The following KAZN variants were observed in gnomAD, a reference collection of about 807,000 sequenced individuals.
KAZN encodes kazrin.
KAZN carries 40 observed loss-of-function variants against 87.4 expected under a neutral mutation model. That is an observed-to-expected ratio of 0.46 (90% CI 0.36 to 0.60). KAZN has a LOEUF of 0.60. Among genes scored for constraint, KAZN ranks in the 20% least tolerant of loss-of-function variants. KAZN has a pLI of 0.00. For synonymous variants in KAZN, 466 were observed against 458.3 expected (o/e 1.02, Z -0.22); for missense variants, 898 against 1,073.9 (o/e 0.84, Z 2.29).
At chr1:13,899,017 C>T (rs1026393072) in intron 1 of KAZN, among the ~76,000 whole-genome samples, 1 of 152,260 alleles carries the variant, frequency 6.6e-6, no homozygotes, top group Non-Finnish European at 1.5e-5. Flanking sequence ...AGCAAGCACA[C>T]ACTTCCTGTC....
chr1:14,306,957 C>A (rs747230276), intron 2 of KAZN, among the ~76,000 whole-genome samples: 6 of 152,170 alleles, frequency 3.9e-5, no homozygotes, highest in African/African-American at 9.7e-5. Flanking sequence ...CCCAATCTTT[C>A]CATTTTATTT....
intron 1 of KAZN, among the ~76,000 whole-genome samples, chr1:13,973,617 C>T (rs542789808): frequency 6.6e-6 from 1 of 152,236 alleles, no homozygotes; most frequent in Non-Finnish European, 1.5e-5. Context: ...CCCAAGGGTA[C>T]TGCATCATCC....
At chr1:15,065,872 G>C in intron 8 of KAZN, 119 bp downstream of exon 8, 1 of 1,528,922 alleles carries the variant, frequency 6.5e-7, no homozygotes. Flanking sequence ...GCGTGGGTGC[G>C]CGTGTGGCCG....
chr1:14,410,113 A>T lies in KAZN; in HGVS notation c.250-188870A>T, dbSNP rs577870428. On this transcript the variant is annotated intron_variant, in intron 2 of 16. Coordinates refer to the KAZN transcript ENST00000636203. Reference sequence around the variant, plus strand: ...TTAATTGGAAAAGTCCAATTTATTTATTTATTTTGAGAGAGGGTCTTGCTC... The same window carrying T: ...TTAATTGGAAAAGTCCAATTTATTTTTTTATTTTGAGAGAGGGTCTTGCTC... Among the ~76,000 whole-genome samples, 8 of 152,286 alleles carry T rather than the reference A, an allele frequency of 5.3e-5. No homozygotes were observed. The East Asian group carries it at 1.5e-3, about 29-fold the overall frequency.
At chr1:13,995,307 A>G (rs1475288020) in intron 1 of KAZN, among the ~76,000 whole-genome samples, 1 of 152,060 alleles carries the variant, frequency 6.6e-6, no homozygotes, top group Non-Finnish European at 1.5e-5. Context: ...AAAATCTAAA[A>G]TAATCTATAC....
At chr1:14,387,750 A>G (rs6669069) in intron 2 of KAZN, among the ~76,000 whole-genome samples, 96,565 of 150,784 alleles carry the variant, frequency 0.64, 31,446 homozygotes, top group East Asian at 0.82. Context: ...GTCTGCAGAG[A>G]TTACTGCTGT....
intron 5 of KAZN, among the ~76,000 whole-genome samples, chr1:15,058,599 T>C (rs1638506005): frequency 6.6e-6 from 1 of 152,218 alleles, no homozygotes. Context: ...TCAACCACTA[T>C]TTATTGAGTA....
intron 1 of KAZN, among the ~76,000 whole-genome samples, chr1:14,175,157 G>A (rs917674617): frequency 1.3e-5 from 2 of 152,216 alleles, no homozygotes; most frequent in African/African-American, 2.4e-5. Context: ...AGGCTGGAGT[G>A]CAGTGGCGCA....
At position 14,394,120 on chromosome 1, in the gene KAZN, C is replaced by G. The variant is rs1432503336; in HGVS notation, c.250-204863C>G. Among the ~76,000 whole-genome samples the G allele has an allele frequency of 2.0e-5, 3 of 152,208 alleles. 1 individual carries two copies. The South Asian group carries it at 6.2e-4, about 31-fold the overall frequency. On this transcript the variant is annotated intron_variant, in intron 2 of 16. Coordinates refer to the KAZN transcript ENST00000636203. ...AAGAACCTTTTTTATGGTGAGGACC[C>G]CCCCACACACATGCCAGCAGTACAA...
chr1:14,169,120 CAG>C (rs545942652), intron 1 of KAZN, among the ~76,000 whole-genome samples: 3 of 152,228 alleles, frequency 2.0e-5, no homozygotes, highest in African/African-American at 4.8e-5. Context: ...GTATAGGTAA[CAG>C]AAACCAAATG....
At chr1:14,233,698 A>G (rs983200358) in intron 2 of KAZN, among the ~76,000 whole-genome samples, 16 of 152,328 alleles carry the variant, frequency 1.1e-4, no homozygotes, top group Admixed American at 5.2e-4. Flanking sequence ...CACTGATGCA[A>G]TGTACATACT....
At chr1:14,955,467 C>T (rs1408315054) in intron 1 of KAZN, among the ~76,000 whole-genome samples, 3 of 152,240 alleles carry the variant, frequency 2.0e-5, no homozygotes, top group African/African-American at 4.8e-5. Flanking sequence ...CTGGGGGATG[C>T]GAGACCTGGG....
intron 2 of KAZN, among the ~76,000 whole-genome samples, chr1:14,447,999 C>A (rs1350265883): frequency 6.6e-6 from 1 of 152,188 alleles, no homozygotes; most frequent in Non-Finnish European, 1.5e-5. Context: ...AGTAGGGGAC[C>A]TGTGGTTTGA....
chr1:14,376,398 T>G (rs1660922139), intron 2 of KAZN, among the ~76,000 whole-genome samples: 1 of 152,156 alleles, frequency 6.6e-6, no homozygotes, highest in African/African-American at 2.4e-5. Context: ...ATTAATGGCC[T>G]TATCTCGGGA....
At chr1:14,945,908 G>A in intron 1 of KAZN, 1 of 985,458 alleles carries the variant, frequency 1.0e-6, no homozygotes, top group African/African-American at 1.7e-5. Context: ...AGTCAGGCAT[G>A]CCCTGTGATG....
chr1:14,400,529 C>A (rs76908265), intron 2 of KAZN, among the ~76,000 whole-genome samples: 1 of 152,190 alleles, frequency 6.6e-6, no homozygotes, highest in South Asian at 2.1e-4. Context: ...TCTTACCCAG[C>A]ATCCACTCAG....
chr1:14,784,974 T>TA (rs1421312929), intron 1 of KAZN, among the ~76,000 whole-genome samples: 4 of 150,480 alleles, frequency 2.7e-5, no homozygotes, highest in African/African-American at 1.0e-4. Flanking sequence ...GCTTACTTTT[T>TA]TTTTTTTTTT....
At chr1:14,050,203 CAT>C (rs1326055054) in intron 1 of KAZN, among the ~76,000 whole-genome samples, 1 of 146,904 alleles carries the variant, frequency 6.8e-6, no homozygotes, top group Non-Finnish European at 1.5e-5. Context: ...CATATGTGCA[CAT>C]GTGTGGGCAT....
At chr1:14,745,433 A>G (rs1054920874) in intron 1 of KAZN, among the ~76,000 whole-genome samples, 6 of 152,220 alleles carry the variant, frequency 3.9e-5, no homozygotes, top group African/African-American at 1.4e-4. Flanking sequence ...TTGCAAAGCC[A>G]AGAGTAATTA....
Sources: gnomAD v4.1 joint callset for allele counts (sites outside exome capture counted in the v4.1 genomes callset) on GRCh38, gnomAD v4.1.1 for gene constraint, MANE v1.5 for transcripts, NCBI Gene and HGNC (gene_info 2026-07-23, HGNC 2026-07-21) for gene names.